The following SLC2A13 variants were observed in gnomAD, a reference collection of about 807,000 sequenced individuals.
The protein encoded by SLC2A13 is solute carrier family 2 member 13.
Under a neutral mutation model 64.4 loss-of-function variants are expected in SLC2A13, and 32 were observed. The observed-to-expected ratio is 0.50, with a 90% CI of 0.37 to 0.67. The LOEUF (loss-of-function observed/expected upper bound fraction) is 0.67, where lower values mean the gene tolerates loss of function less well. Ranked by LOEUF, SLC2A13 falls within the 30% of genes least tolerant of loss-of-function variation. SLC2A13 has a pLI of 0.00. For synonymous variants in SLC2A13, 338 were observed against 327.1 expected (o/e 1.03, Z -0.36); for missense variants, 743 against 829.2 (o/e 0.90, Z 1.28).
intron 1 of SLC2A13, among the ~76,000 whole-genome samples, chr12:40,103,704 T>C (rs1476189363): frequency 6.6e-6 from 1 of 152,202 alleles, no homozygotes; most frequent in Non-Finnish European, 1.5e-5. Context: ...CCTAAAATGA[T>C]GTTATTTCTA....
intron 3 of SLC2A13, among the ~76,000 whole-genome samples, chr12:40,017,627 C>A (rs1217869811): frequency 1.3e-5 from 2 of 152,172 alleles, no homozygotes; most frequent in Non-Finnish European, 2.9e-5. Flanking sequence ...TGGCTCCAGT[C>A]TCAGATGATG....
intron 3 of SLC2A13, among the ~76,000 whole-genome samples, chr12:40,003,049 A>T (rs903068327): frequency 1.3e-5 from 2 of 152,112 alleles, no homozygotes; most frequent in East Asian, 3.9e-4. Flanking sequence ...CTCCACAACC[A>T]CCCTCTCCCC....
intron 3 of SLC2A13, among the ~76,000 whole-genome samples, chr12:40,010,151 A>C (rs181951284): frequency 8.4e-4 from 128 of 152,366 alleles, no homozygotes; most frequent in Middle Eastern, 3.4e-3. Context: ...GACAGATCTT[A>C]TGATGGTGTT....
chr12:39,951,286 G>T lies in SLC2A13; in HGVS notation c.1005C>A (p.Phe335Leu), dbSNP rs1279810761. Residue 335 changes from phenylalanine to leucine, a missense_variant, in exon 4 of 10, where the codon TTC becomes TTA. By Grantham distance (22) the Phe-to-Leu change is conservative (BLOSUM62 0). Coordinates refer to ENST00000280871, the MANE Select transcript of SLC2A13 (RefSeq NM_052885.4). The part of the protein sequence containing the change: ...ALIVGCGLQM[F>L]QQLSGINTIM... Reference sequence around the variant, plus strand: ...TGGTGTTAATGCCTGAGAGCTGCTGGAACATTTGTAGGCCACAACCCACAA... The same window carrying T: ...TGGTGTTAATGCCTGAGAGCTGCTGTAACATTTGTAGGCCACAACCCACAA... The T allele has an allele frequency of 1.2e-6, 2 of 1,613,390 alleles. No homozygotes were observed. Among genetic ancestry groups the T allele is most frequent in the Non-Finnish European group, 1.7e-6 (2 of 1,179,678 alleles).
chr12:40,042,278 A>G (rs1406645225), intron 2 of SLC2A13, among the ~76,000 whole-genome samples: 2 of 152,186 alleles, frequency 1.3e-5, no homozygotes, highest in Non-Finnish European at 2.9e-5. Context: ...ATGAGTAAAA[A>G]TCAGCATGAA....
intron 6 of SLC2A13, among the ~76,000 whole-genome samples, chr12:39,860,993 T>C (rs1335688686): frequency 6.6e-6 from 1 of 152,242 alleles, no homozygotes; most frequent in African/African-American, 2.4e-5. Context: ...AGGCTCTACA[T>C]GATTTGGCTC....
intron 7 of SLC2A13, among the ~76,000 whole-genome samples, chr12:39,814,188 G>A (rs534433254): frequency 6.6e-6 from 1 of 152,286 alleles, no homozygotes; most frequent in African/African-American, 2.4e-5. Context: ...CAACCATTCT[G>A]ATGTAGATTG....
Position 39,816,427 on chromosome 12 carries a change from T to C in SLC2A13, c.1445+13676A>G, listed in dbSNP as rs552534474. Among the ~76,000 whole-genome samples, 157 of 104,392 alleles carry C rather than the reference T, an allele frequency of 1.5e-3. 3 individuals carry two copies. Among genetic ancestry groups the C allele is most frequent in the African/African-American group, 5.4e-3 (143 of 26,396 alleles). The allele number at this position is 104,392 out of a possible 152,430, so 68.5% of individuals were successfully genotyped here. On this transcript the variant is annotated intron_variant, in intron 7 of 9. Transcript: ENST00000280871. ...GGGGAACATCACACCCCGGGGCCTG[T>C]TGTGGGGTGGGGGGAGGGGGGAGGG...
At chr12:39,828,722 T>C (rs1246886041) in intron 7 of SLC2A13, among the ~76,000 whole-genome samples, 1 of 152,030 alleles carries the variant, frequency 6.6e-6, no homozygotes, top group African/African-American at 2.4e-5. Context: ...GTTTTTTTTT[T>C]TTCCTATTGG....
chr12:39,901,403 C>A (rs1945102441), intron 4 of SLC2A13, among the ~76,000 whole-genome samples: 1 of 149,170 alleles, frequency 6.7e-6, no homozygotes, highest in African/African-American at 2.5e-5. Context: ...AGTGAACAGA[C>A]AACCTACAAC....
intron 6 of SLC2A13, among the ~76,000 whole-genome samples, chr12:39,833,753 T>C (rs750969761): frequency 2.0e-5 from 3 of 152,040 alleles, no homozygotes; most frequent in Non-Finnish European, 4.4e-5. Context: ...TCTCTTCAAA[T>C]CTCAATCCTT....
At chr12:39,866,258 T>C (rs977913930) in intron 5 of SLC2A13, among the ~76,000 whole-genome samples, 3 of 152,300 alleles carry the variant, frequency 2.0e-5, no homozygotes, top group South Asian at 2.1e-4. Context: ...GATGTTTTTG[T>C]TTAAGACATA....
intron 3 of SLC2A13, among the ~76,000 whole-genome samples, chr12:39,980,562 C>G (rs1277418698): frequency 6.6e-6 from 1 of 151,380 alleles, no homozygotes; most frequent in Non-Finnish European, 1.5e-5. Context: ...CAACAAAGAT[C>G]AAAAGAGACA....
chr12:39,820,025 C>A (rs1046621470), intron 7 of SLC2A13: 6 of 151,946 alleles, frequency 3.9e-5, no homozygotes, highest in African/African-American at 1.5e-4. Flanking sequence ...TCCAACCTAC[C>A]AATAATTAAA....
At chr12:39,931,888 A>C (rs1416151104) in intron 4 of SLC2A13, among the ~76,000 whole-genome samples, 1 of 152,022 alleles carries the variant, frequency 6.6e-6, no homozygotes, top group Non-Finnish European at 1.5e-5. Context: ...TAGTATTATA[A>C]TTTTAATTCA....
chr12:40,026,730 T>C (rs1947815594), intron 3 of SLC2A13, among the ~76,000 whole-genome samples: 1 of 152,224 alleles, frequency 6.6e-6, no homozygotes, highest in South Asian at 2.1e-4. Flanking sequence ...CTGAAAAGTT[T>C]TTCCACTCAC....
intron 3 of SLC2A13, among the ~76,000 whole-genome samples, chr12:40,007,669 T>C (rs567724802): frequency 1.3e-5 from 2 of 152,302 alleles, no homozygotes; most frequent in East Asian, 3.9e-4. Context: ...TTCTATTTCC[T>C]AACAGGGTAA....
At chr12:39,971,974 G>T (rs7980177) in intron 3 of SLC2A13, among the ~76,000 whole-genome samples, 1 of 99,548 alleles carries the variant, frequency 1.0e-5, no homozygotes, top group African/African-American at 4.2e-5. Context: ...TGGAGCAAGA[G>T]TGTCTCCAGA....
chr12:40,045,289 G>A (rs947712837), intron 2 of SLC2A13, among the ~76,000 whole-genome samples: 4 of 151,920 alleles, frequency 2.6e-5, no homozygotes, highest in Admixed American at 6.6e-5. Flanking sequence ...ATAAAAATAT[G>A]AGTATGGAAA....
Sources: allele counts gnomAD v4.1 joint callset (sites outside exome capture counted in the v4.1 genomes callset), GRCh38; gene constraint gnomAD v4.1.1; transcripts MANE v1.5; gene names NCBI Gene and HGNC (gene_info 2026-07-23, HGNC 2026-07-21).